The following JARID2 variants were observed in gnomAD, a reference collection of about 807,000 sequenced individuals.
The protein encoded by JARID2 is jumonji and AT-rich interaction domain containing 2.
In JARID2, 21 loss-of-function variants were observed where a neutral mutation model predicts 125.6. That is an observed-to-expected ratio of 0.17 (90% CI 0.12 to 0.24). The LOEUF is 0.24. Among genes scored for constraint, JARID2 ranks in the 10% least tolerant of loss-of-function variants. The pLI is 1.00. For synonymous variants in JARID2, 736 were observed against 661.6 expected (o/e 1.11, Z -1.73); for missense variants, 1,303 against 1,639.6 (o/e 0.79, Z 3.55).
intron 1 of JARID2, among the ~76,000 whole-genome samples, chr6:15,366,823 T>G (rs1763996186): frequency 6.6e-6 from 1 of 152,132 alleles, no homozygotes; most frequent in Admixed American, 6.5e-5. Context: ...ATCACCAGGT[T>G]GTTATTTAAA....
chr6:15,261,580 A>G (rs1759879941), intron 1 of JARID2, among the ~76,000 whole-genome samples: 1 of 152,030 alleles, frequency 6.6e-6, no homozygotes, highest in Non-Finnish European at 1.5e-5. Context: ...TTGGCCTCCC[A>G]AAGTGCTGGG....
intron 4 of JARID2, among the ~76,000 whole-genome samples, chr6:15,459,218 A>G (rs921978915): frequency 6.6e-6 from 1 of 152,236 alleles, no homozygotes; most frequent in Non-Finnish European, 1.5e-5. Flanking sequence ...GCATCCTTTG[A>G]TAACTCAGAG....
chr6:15,450,525 G>A (rs1285144741), intron 3 of JARID2, among the ~76,000 whole-genome samples: 1 of 152,114 alleles, frequency 6.6e-6, no homozygotes, highest in Non-Finnish European at 1.5e-5. Flanking sequence ...TCCATCCTAC[G>A]TAGTGTTTGG....
chr6:15,313,129 T>A (rs1762070895), intron 1 of JARID2, among the ~76,000 whole-genome samples: 1 of 152,176 alleles, frequency 6.6e-6, no homozygotes, highest in Non-Finnish European at 1.5e-5. Flanking sequence ...GTCGGAGCTT[T>A]TTTTACATTA....
intron 14 of JARID2, among the ~76,000 whole-genome samples, chr6:15,512,620 C>G (rs893645997): frequency 6.6e-6 from 1 of 152,090 alleles, no homozygotes; most frequent in Admixed American, 6.5e-5. Flanking sequence ...CTGACAGACC[C>G]CTCCAGTATT....
chr6:15,246,998 G>T (rs1306721106), intron 1 of JARID2, among the ~76,000 whole-genome samples: 1 of 152,198 alleles, frequency 6.6e-6, no homozygotes, highest in Non-Finnish European at 1.5e-5. Flanking sequence ...TAACGCATGT[G>T]TGTTGGAAGC....
chr6:15,298,906 G>A (rs1300104602), intron 1 of JARID2, among the ~76,000 whole-genome samples: 1 of 149,524 alleles, frequency 6.7e-6, no homozygotes, highest in Non-Finnish European at 1.5e-5. Context: ...CCTTCTCTCA[G>A]TAAAGACCCA....
rs559501424 is a variant in JARID2 at position 15,247,801 on chromosome 6, G to A, written c.45+1217G>A. The A allele has an allele frequency of 2.1e-5, 21 of 985,258 alleles. 1 individual carries two copies. The highest frequency in any genetic ancestry group is 7.0e-5 in the African/African-American group (4 of 57,224). 61.0% of individuals were successfully genotyped at this position (985,258 alleles called of 1,614,324 possible). A position where few individuals can be genotyped will look rare whatever the true frequency, so the allele number is the denominator to read the frequency against. ...AAGAAATGCAAGGTTAAATAATCAAGCCCAACTTAGAAAGCTGTTCCATAA... is the reference window on the plus strand; with the variant it reads ...AAGAAATGCAAGGTTAAATAATCAAACCCAACTTAGAAAGCTGTTCCATAA... On this transcript the variant is annotated intron_variant, in intron 1 of 17. Coordinates refer to ENST00000341776, the MANE Select transcript of JARID2 (RefSeq NM_004973.4).
At chr6:15,483,821 G>A (rs1194209866) in intron 5 of JARID2, among the ~76,000 whole-genome samples, 1 of 152,166 alleles carries the variant, frequency 6.6e-6, no homozygotes, top group Admixed American at 6.5e-5. Flanking sequence ...CTTTTGAGGA[G>A]CTATCTGAAA....
At chr6:15,395,382 G>A (rs544964727) in intron 2 of JARID2, among the ~76,000 whole-genome samples, 3 of 152,126 alleles carry the variant, frequency 2.0e-5, no homozygotes, top group South Asian at 2.1e-4. Context: ...CGCAACCTCC[G>A]GGAGTCCTGA....
intron 1 of JARID2, among the ~76,000 whole-genome samples, chr6:15,258,567 A>G (rs892266690): frequency 6.6e-6 from 1 of 152,186 alleles, no homozygotes; most frequent in Non-Finnish European, 1.5e-5. Context: ...GCGGATCACA[A>G]GGTCAGGAGT....
intron 1 of JARID2, among the ~76,000 whole-genome samples, chr6:15,365,367 C>T (rs774278378): frequency 6.6e-5 from 10 of 152,080 alleles, no homozygotes; most frequent in East Asian, 1.9e-4. Flanking sequence ...GTTTTAATGC[C>T]GTGTTGCGTG....
chr6:15,515,336 T>C (rs1581673126), intron 16 of JARID2, among the ~76,000 whole-genome samples: 1 of 152,158 alleles, frequency 6.6e-6, no homozygotes, highest in Non-Finnish European at 1.5e-5. Context: ...TGGAACACGC[T>C]ATTCATTTCC....
At chr6:15,253,277 C>G (rs1759527271) in intron 1 of JARID2, among the ~76,000 whole-genome samples, 1 of 152,114 alleles carries the variant, frequency 6.6e-6, no homozygotes, top group African/African-American at 2.4e-5. Flanking sequence ...GTTGGCCAGG[C>G]TGGTATTGAA....
chr6:15,248,834 C>CGGCGGGGGGAGGAGGGAGCTGGGCGGG, intron 1 of JARID2: 2 of 856,808 alleles, frequency 2.3e-6, no homozygotes, highest in Non-Finnish European at 2.8e-6. Flanking sequence ...CGCGGCGGGG[C>CGGCGGGGGGAGGAGGGAGCTGGGCGGG]GGCGGGGGGA....
At chr6:15,477,830 G>C (rs539248642) in intron 5 of JARID2, among the ~76,000 whole-genome samples, 1 of 152,202 alleles carries the variant, frequency 6.6e-6, no homozygotes, top group Non-Finnish European at 1.5e-5. Context: ...AAGATCTGGT[G>C]CCTGGAACAA....
chr6:15,378,034 G>A (rs1225014700), intron 2 of JARID2, among the ~76,000 whole-genome samples: 5 of 151,076 alleles, frequency 3.3e-5, no homozygotes, highest in African/African-American at 4.9e-5. Context: ...ACAGACACGC[G>A]CCACCACACC....
At chr6:15,366,068 T>C (rs1158635804) in intron 1 of JARID2, among the ~76,000 whole-genome samples, 1 of 152,218 alleles carries the variant, frequency 6.6e-6, no homozygotes, top group East Asian at 1.9e-4. Flanking sequence ...ACACTTAATC[T>C]GTGGGAAGAA....
At chr6:15,511,538 C>T in intron 13 of JARID2, 137 bp downstream of exon 13, 1 of 651,538 alleles carries the variant, frequency 1.5e-6, no homozygotes, top group South Asian at 1.8e-5. Context: ...AGGGAAAGGT[C>T]CTCTGACACA....
Sources: allele counts gnomAD v4.1 joint callset (sites outside exome capture counted in the v4.1 genomes callset), GRCh38; gene constraint gnomAD v4.1.1; transcripts MANE v1.5; gene names NCBI Gene and HGNC (gene_info 2026-07-23, HGNC 2026-07-21).